AACS: variants seen among roughly 807,000 people sequenced by gnomAD.
The protein encoded by AACS is acetoacetyl-CoA synthetase, also known as acetoacetate-CoA ligase.
AACS carries 69 observed loss-of-function variants against 83.1 expected under a neutral mutation model. The observed-to-expected ratio is 0.83, with a 90% CI of 0.68 to 1.01. The LOEUF is 1.01. Ranked by LOEUF, AACS falls within the 50% of genes least tolerant of loss-of-function variation. The pLI, the probability that AACS is intolerant of heterozygous loss-of-function variation, is 0.00. For missense variants in AACS, 866 were observed against 882.2 expected (o/e 0.98, Z 0.23); for synonymous variants, 333 against 343.4 (o/e 0.97, Z 0.33).
At chr12:125,086,557 C>A in intron 4 of AACS, 114 bp downstream of exon 4, 2 of 924,304 alleles carry the variant, frequency 2.2e-6, no homozygotes, top group Non-Finnish European at 3.4e-6. Flanking sequence ...TTACATGGAA[C>A]CTTGTGGGAC....
chr12:125,083,038 G>A (rs1389989267), intron 3 of AACS, among the ~76,000 whole-genome samples: 23 of 152,222 alleles, frequency 1.5e-4, no homozygotes, highest in Non-Finnish European at 1.5e-5. Context: ...TTTCCTGAAA[G>A]CCATAGTTTA....
At chr12:125,116,549 C>T (rs1957056543) in intron 9 of AACS, among the ~76,000 whole-genome samples, 1 of 151,932 alleles carries the variant, frequency 6.6e-6, no homozygotes, top group Non-Finnish European at 1.5e-5. Context: ...CTGCAAGCTC[C>T]ACCTCCCAGG....
intron 16 of AACS, among the ~76,000 whole-genome samples, chr12:125,135,240 A>T (rs1359704574): frequency 6.6e-6 from 1 of 151,586 alleles, no homozygotes; most frequent in Admixed American, 6.6e-5. Context: ...GATGATAGAC[A>T]TGCACCACCA....
chr12:125,121,609 G>T (rs1046030679), intron 10 of AACS: 1 of 152,206 alleles, frequency 6.6e-6, no homozygotes, highest in Non-Finnish European at 1.5e-5. Flanking sequence ...GTGTTTCTGG[G>T]TTCTAGTGAG....
chr12:125,096,762 G>A (rs888582650), intron 5 of AACS, among the ~76,000 whole-genome samples: 4 of 152,116 alleles, frequency 2.6e-5, no homozygotes, highest in African/African-American at 4.8e-5. Context: ...TTAAGTGGAC[G>A]TGGTGTCTTT....
At chr12:125,100,234 G>A (rs912950147) in intron 5 of AACS, among the ~76,000 whole-genome samples, 6 of 152,188 alleles carry the variant, frequency 3.9e-5, no homozygotes, top group South Asian at 2.1e-4. Context: ...GATTACAGGC[G>A]CGAGCCACCA....
intron 14 of AACS, among the ~76,000 whole-genome samples, chr12:125,133,371 T>G (rs7970738): frequency 0.039 from 5,868 of 152,256 alleles, 392 homozygotes; most frequent in African/African-American, 0.13. Flanking sequence ...GCAGGCCTTC[T>G]CTGAACAGCT....
chr12:125,107,002 C>T (rs1244005150), intron 7 of AACS, 119 bp from the exon 8 acceptor site: 2 of 1,461,360 alleles, frequency 1.4e-6, no homozygotes, highest in Non-Finnish European at 1.9e-6. Context: ...GCCACCGTCC[C>T]CCTGGAATCC....
intron 17 of AACS, among the ~76,000 whole-genome samples, chr12:125,138,050 C>G (rs1165579190): frequency 6.6e-6 from 1 of 152,308 alleles, no homozygotes; most frequent in South Asian, 2.1e-4. Context: ...ACAACCTGTC[C>G]AGGAGTGGGG....
At position 125,108,480 on chromosome 12, in the gene AACS, C is replaced by G. The variant is rs1488579622; in HGVS notation, c.915+1212C>G. Among the ~76,000 whole-genome samples the G allele has an allele frequency of 2.6e-5, 4 of 152,280 alleles. No homozygotes were observed. In the South Asian group the frequency reaches 8.3e-4, roughly 32 times the overall value. On this transcript the variant is annotated intron_variant, in intron 8 of 17. Coordinates refer to ENST00000316519, the MANE Select transcript of AACS (RefSeq NM_023928.5). ...TTTTAAAGGCCCATTTAGTCACATT[C>G]TGAGATACTAGGTATTGGGCTTCAA... is the stretch of plus-strand genomic sequence containing the variant.
Position 125,075,044 on chromosome 12 carries a change from G to A in AACS, c.237+1065G>A, listed in dbSNP as rs142868456. Among the ~76,000 whole-genome samples the A allele has an allele frequency of 6.4e-5, 9 of 140,734 alleles. No homozygotes were observed. The East Asian group carries it at 1.2e-3, about 19-fold the overall frequency. 92.3% of individuals were successfully genotyped at this position (140,734 alleles called of 152,430 possible). A position where few individuals can be genotyped will look rare whatever the true frequency, so the allele number is the denominator to read the frequency against. On this transcript the variant is annotated intron_variant, in intron 2 of 17. Transcript: ENST00000316519. ...GGCTAGAGTGCAGTGGTGTGATCTC[G>A]GCTCACTGCAACCTTCAACTCCCTG...
chr12:125,079,203 T>TG (rs955874808), intron 3 of AACS, among the ~76,000 whole-genome samples: 2 of 151,092 alleles, frequency 1.3e-5, no homozygotes, highest in African/African-American at 2.4e-5. Context: ...AAGGCTGAGC[T>TG]GGGGGGCCTC....
In AACS at chr12:125,140,769, G is replaced by A. The variant is rs927638332; in HGVS notation, c.1882-1323G>A. ...TTGGAGCTCTGAATGTTTGGAAAGG[G>A]CCCGACTGTGAGAAGAAGTAACACA... is the stretch of plus-strand genomic sequence containing the variant. On this transcript the variant is annotated intron_variant, in intron 17 of 17. Coordinates refer to ENST00000316519, the MANE Select transcript of AACS (RefSeq NM_023928.5). The surrounding 1 kb of genome is among the most constrained non-coding windows in gnomAD (Gnocchi z 5.1). 6.6e-6 allele frequency: 1 copy of A among 152,144 alleles called. No individual in the cohort carries two copies. Among genetic ancestry groups the A allele is most frequent in the African/African-American group, 2.4e-5 (1 of 41,416 alleles). 9.4% of individuals were successfully genotyped at this position (152,144 alleles called of 1,614,324 possible).
intron 1 of AACS, among the ~76,000 whole-genome samples, chr12:125,073,674 C>G (rs543263768): frequency 6.6e-6 from 1 of 152,232 alleles, no homozygotes; most frequent in African/African-American, 2.4e-5. Flanking sequence ...AAAACATCAC[C>G]GCCTCAGCTT....
At chr12:125,133,048 C>A (rs971932616) in intron 14 of AACS, among the ~76,000 whole-genome samples, 1 of 152,170 alleles carries the variant, frequency 6.6e-6, no homozygotes, top group Non-Finnish European at 1.5e-5. Flanking sequence ...ATCTTCGGGG[C>A]GTTATTGCAG....
chr12:125,076,695 T>C lies in AACS; in HGVS notation c.358+84T>C, dbSNP rs867522923. On this transcript the variant is annotated intron_variant, in intron 3 of 17. Transcript: ENST00000316519. ...ATGCGGTGCCACATATTTGGAGAGA[T>C]AGGATTTCTAAACCATATGTTGGCA... 55 of 1,562,472 alleles carry C rather than the reference T, an allele frequency of 3.5e-5. No homozygotes were observed. The Middle Eastern group carries it at 6.3e-4, about 18-fold the overall frequency.
intron 9 of AACS, chr12:125,117,428 T>A (rs78713383): frequency 5.4e-5 from 8 of 148,752 alleles, no homozygotes; most frequent in Admixed American, 1.3e-4. Flanking sequence ...AAAAAAAAAA[T>A]GTTTCTCCAT....
intron 8 of AACS, among the ~76,000 whole-genome samples, chr12:125,107,848 AG>A (rs1956867912): frequency 6.6e-6 from 1 of 152,142 alleles, no homozygotes; most frequent in Middle Eastern, 3.2e-3. Context: ...CTGTAGTCTG[AG>A]CTACTCGGGA....
intron 4 of AACS, among the ~76,000 whole-genome samples, chr12:125,086,664 T>C (rs761860513): frequency 6.6e-6 from 1 of 152,224 alleles, no homozygotes; most frequent in Non-Finnish European, 1.5e-5. Flanking sequence ...CTTTGTTCCC[T>C]GCTTTGTCCC....
Sources: gnomAD v4.1 joint callset for allele counts (sites outside exome capture counted in the v4.1 genomes callset) on GRCh38, gnomAD v4.1.1 for gene constraint, Gnocchi (gnomAD v3.1) non-coding constraint, MANE v1.5 for transcripts, NCBI Gene and HGNC (gene_info 2026-07-23, HGNC 2026-07-21) for gene names.